ALG12: variants seen among roughly 807,000 people sequenced by gnomAD.
ALG12 encodes the protein ALG12 alpha-1,6-mannosyltransferase, also known as dol-P-Man:Man(7)GlcNAc(2)-PP-Dol alpha-1,6-mannosyltransferase.
ALG12 carries 36 observed loss-of-function variants against 46.0 expected under a neutral mutation model. The observed-to-expected ratio is 0.78, with a 90% CI of 0.60 to 1.03. ALG12 has a LOEUF of 1.03. ALG12 is among the 50% of genes least tolerant of loss of function. The pLI is 0.00. For missense variants in ALG12, 599 were observed against 633.5 expected (o/e 0.95, Z 0.58); for synonymous variants, 326 against 291.6 (o/e 1.12, Z -1.20).
At chr22:49,918,110 G>A (rs947667671) in intron 1 of ALG12, 153 bp downstream of exon 1, 1 of 152,406 alleles carries the variant, frequency 6.6e-6, no homozygotes, top group African/African-American at 2.5e-5. Context: ...TGCAGCCCCA[G>A]GTAAGGAGCA....
At chr22:49,896,730 G>A (rs2060484710), downstream of ALG12, among the ~76,000 whole-genome samples, 1 of 152,128 alleles carries the variant, frequency 6.6e-6, no homozygotes, top group Non-Finnish European at 1.5e-5. Flanking sequence ...CCGCCTCCCG[G>A]GTTCAAGCAA....
chr22:49,887,321 T>C, the ALG12 span: 1 of 860,430 alleles, frequency 1.2e-6, no homozygotes, highest in South Asian at 1.9e-5. Context: ...CACCACAGTG[T>C]CTCCACGTGC....
chr22:49,884,270 T>C, the ALG12 span: 1 of 1,611,064 alleles, frequency 6.2e-7, no homozygotes, highest in Non-Finnish European at 8.5e-7. Flanking sequence ...AGCACCATCC[T>C]CTCACCCATC....
chr22:49,873,821 C>T, the ALG12 span, among the ~76,000 whole-genome samples: 2 of 149,906 alleles, frequency 1.3e-5, no homozygotes, highest in Admixed American at 6.8e-5. Context: ...GGGTTCTTCT[C>T]GACCCACAGG....
the ALG12 span, among the ~76,000 whole-genome samples, chr22:49,873,519 G>A: frequency 2.6e-5 from 4 of 152,278 alleles, no homozygotes; most frequent in South Asian, 8.3e-4. Context: ...CCATGATAAT[G>A]GAAAAGTGTG....
At chr22:49,864,420 G>A in the ALG12 span, among the ~76,000 whole-genome samples, 1 of 152,340 alleles carries the variant, frequency 6.6e-6, no homozygotes, top group East Asian at 1.9e-4. Flanking sequence ...TAGTTATGCA[G>A]GGTCTCAACT....
downstream of ALG12, among the ~76,000 whole-genome samples, chr22:49,896,339 C>T (rs1644088539): frequency 6.6e-6 from 1 of 152,224 alleles, no homozygotes; most frequent in South Asian, 2.1e-4. Flanking sequence ...TCCCAGCAGA[C>T]CTTGTTCGGC....
chr22:49,875,306 C>T, the ALG12 span, among the ~76,000 whole-genome samples: 2 of 151,458 alleles, frequency 1.3e-5, no homozygotes, highest in Admixed American at 1.3e-4. Flanking sequence ...GAAGGTTTTT[C>T]AACTATAAGT....
downstream of ALG12, among the ~76,000 whole-genome samples, chr22:49,899,855 G>A (rs1043927897): frequency 1.3e-5 from 2 of 152,056 alleles, no homozygotes; most frequent in Non-Finnish European, 1.5e-5. Flanking sequence ...ATGGTTTCCA[G>A]GAGAGAGTGT....
Position 49,914,552 on chromosome 22 carries a change from G to A in ALG12, c.-78-709C>T, listed in dbSNP as rs78930247. ...GGACAACCTCAGGGGCCCGTGGCAC[G>A]GAGCTTCCTGAGAGGCCAGCAACAT... On this transcript the variant is annotated intron_variant, in intron 1 of 9. Coordinates refer to ENST00000330817, the MANE Select transcript of ALG12 (RefSeq NM_024105.4). 6.6e-4 allele frequency among the ~76,000 whole-genome samples: 100 copies of A among 152,304 alleles called. 1 individual carries two copies. Among genetic ancestry groups the A allele is most frequent in the African/African-American group, 2.3e-3 (96 of 41,582 alleles).
chr22:49,865,190 A>G, the ALG12 span, among the ~76,000 whole-genome samples: 2 of 152,126 alleles, frequency 1.3e-5, no homozygotes, highest in Non-Finnish European at 2.9e-5. Flanking sequence ...AGCAGTTACT[A>G]CACTGAAGCC....
chr22:49,868,314 A>T, the ALG12 span, among the ~76,000 whole-genome samples: 1 of 152,222 alleles, frequency 6.6e-6, no homozygotes, highest in African/African-American at 2.4e-5. Flanking sequence ...TCAAATGAAT[A>T]AAATAACTAC....
chr22:49,907,506 C>T (rs1418641793), intron 7 of ALG12, among the ~76,000 whole-genome samples: 1 of 152,210 alleles, frequency 6.6e-6, no homozygotes, highest in Non-Finnish European at 1.5e-5. Flanking sequence ...GCCCTGGTGG[C>T]TCACACCTGC....
At chr22:49,873,635 A>G in the ALG12 span, among the ~76,000 whole-genome samples, 1 of 130,896 alleles carries the variant, frequency 7.6e-6, no homozygotes, top group Non-Finnish European at 1.5e-5. Flanking sequence ...CAAACCTCCA[A>G]TTTGGGGGAA....
At chr22:49,876,782 C>T in the ALG12 span, among the ~76,000 whole-genome samples, 1 of 152,062 alleles carries the variant, frequency 6.6e-6, no homozygotes, top group Admixed American at 6.5e-5. Context: ...CAAAAGACCT[C>T]GTTCTATTTA....
chr22:49,869,247 C>G, the ALG12 span, among the ~76,000 whole-genome samples: 2 of 152,050 alleles, frequency 1.3e-5, no homozygotes, highest in African/African-American at 4.8e-5. Flanking sequence ...TACACACATG[C>G]ATGTTGGTGT....
intron 8 of ALG12, 25 bp from the exon 9 acceptor site, chr22:49,904,279 G>A: frequency 6.2e-7 from 1 of 1,614,200 alleles, no homozygotes; most frequent in East Asian, 2.2e-5. Context: ...CCTGCCGTCA[G>A]AGCCCAGCCC....
In ALG12 at chr22:49,906,021, C is replaced by T. The variant is rs2060540199; in HGVS notation, c.993-1515G>A. Among the ~76,000 whole-genome samples, 2 of 152,220 alleles carry T rather than the reference C, an allele frequency of 1.3e-5. No individual in the cohort carries two copies. The highest frequency in any genetic ancestry group is 4.8e-5 in the African/African-American group (2 of 41,454). On this transcript the variant is annotated intron_variant, in intron 7 of 9. Coordinates refer to ENST00000330817, the MANE Select transcript of ALG12 (RefSeq NM_024105.4). The surrounding 1 kb of genome is among the most constrained non-coding windows in gnomAD (Gnocchi z 4.4). ...CTGACACCGTGGGAAACGGCCTGCT[C>T]TTGCTCCCAGGGTGGCCGGGCTGAG...
At chr22:49,870,644 T>G in the ALG12 span, among the ~76,000 whole-genome samples, 28 of 152,314 alleles carry the variant, frequency 1.8e-4, no homozygotes, top group African/African-American at 6.7e-4. Context: ...TATCTGTTCA[T>G]GTCCTTTGCT....
Sources: allele counts gnomAD v4.1 joint callset (sites outside exome capture counted in the v4.1 genomes callset), GRCh38; gene constraint gnomAD v4.1.1; non-coding constraint Gnocchi (gnomAD v3.1); transcripts MANE v1.5; gene names NCBI Gene and HGNC (gene_info 2026-07-23, HGNC 2026-07-21).